Variants in MAP2K4 observed in about 807,000 individuals in gnomAD.
MAP2K4 encodes the protein mitogen-activated protein kinase kinase 4, also known as dual specificity mitogen-activated protein kinase kinase 4.
MAP2K4 carries 4 observed loss-of-function variants against 48.5 expected under a neutral mutation model. The observed-to-expected ratio is 0.08, with a 90% CI of 0.04 to 0.19. MAP2K4 has a LOEUF of 0.19. Ranked by LOEUF, MAP2K4 falls within the 10% of genes least tolerant of loss-of-function variation. The pLI is 1.00. For synonymous variants in MAP2K4, 166 were observed against 173.1 expected, an observed-to-expected ratio of 0.96 and a Z score of 0.32; for missense variants, 258 against 493.3, an observed-to-expected ratio of 0.52 and a Z score of 4.52.
intron 2 of MAP2K4, among the ~76,000 whole-genome samples, chr17:12,065,285 T>TTATTAA (rs916612094): frequency 8.4e-5 from 12 of 143,438 alleles, no homozygotes; most frequent in Middle Eastern, 7.4e-3. Context: ...ATTATTATTA[T>TTATTAA]TATTATTGGT....
Position 12,143,649 on chromosome 17 carries a change from T to C in MAP2K4, c.*2389T>C, listed in dbSNP as rs1044803816. ...GTTTGAATTCCTCCTCTATTTAAGA[T>C]ATATACATGGAATCGAAGTGTTTAT... On this transcript the variant is annotated 3_prime_UTR_variant, in exon 11 of 11. Transcript: ENST00000353533. 4.3e-5 allele frequency: 10 copies of C among 231,042 alleles called. No homozygotes were observed. Among genetic ancestry groups the C allele is most frequent in the Non-Finnish European group, 7.7e-5 (9 of 116,692 alleles). The allele number at this position is 231,042 out of a possible 1,614,324, so 14.3% of individuals were successfully genotyped here.
chr17:12,044,968 A>G (rs940373253), intron 1 of MAP2K4, among the ~76,000 whole-genome samples: 9 of 152,368 alleles, frequency 5.9e-5, no homozygotes, highest in Middle Eastern at 3.4e-3. Context: ...CAAGAATTTA[A>G]GGAGTTGTGT....
At position 12,081,017 on chromosome 17, in the gene MAP2K4, A is replaced by G. The variant is rs1428740387; in HGVS notation, c.219-339A>G. Among the ~76,000 whole-genome samples, 2 of 152,230 alleles carry G rather than the reference A, an allele frequency of 1.3e-5. No homozygotes were observed. Among genetic ancestry groups the G allele is most frequent in the African/African-American group, 4.8e-5 (2 of 41,460 alleles). ...ATTCTCACTTGATAATGCTGTTTGG[A>G]TAAACCATCATCCAAGTTTGAATAA... On this transcript the variant is annotated intron_variant, in intron 2 of 10. Coordinates refer to ENST00000353533, the MANE Select transcript of MAP2K4 (RefSeq NM_003010.4). The surrounding 1 kb of genome is among the most constrained non-coding windows in gnomAD (Gnocchi z 4.2).
chr17:12,128,989 A>G, intron 8 of MAP2K4, 150 bp from the exon 9 acceptor site: 1 of 649,800 alleles, frequency 1.5e-6, no homozygotes, highest in Non-Finnish European at 2.6e-6. Context: ...AGCCTTTATG[A>G]TTCTGAAGAT....
chr17:12,111,312 GC>G (rs775394721), intron 6 of MAP2K4, among the ~76,000 whole-genome samples: 7 of 152,080 alleles, frequency 4.6e-5, no homozygotes, highest in Non-Finnish European at 7.4e-5. Flanking sequence ...TTGACACTAG[GC>G]CACTGAAATT....
At chr17:12,103,876 TC>T (rs1349384657) in intron 4 of MAP2K4, among the ~76,000 whole-genome samples, 1 of 152,188 alleles carries the variant, frequency 6.6e-6, no homozygotes, top group Non-Finnish European at 1.5e-5. Flanking sequence ...ACTGTAGTAT[TC>T]TAATGATTAA....
chr17:12,027,045 G>T (rs1437218966), intron 1 of MAP2K4: 2 of 152,178 alleles, frequency 1.3e-5, no homozygotes, highest in Non-Finnish European at 2.9e-5. Flanking sequence ...TGTCGTTCTG[G>T]CTAAATTTGT....
At chr17:12,114,196 T>G (rs1020086575) in intron 7 of MAP2K4, among the ~76,000 whole-genome samples, 1 of 152,216 alleles carries the variant, frequency 6.6e-6, no homozygotes, top group Non-Finnish European at 1.5e-5. Flanking sequence ...TTGATATATA[T>G]GTTTTCAAAC....
chr17:12,129,385 C>A, intron 9 of MAP2K4, 98 bp downstream of exon 9: 2 of 1,396,232 alleles, frequency 1.4e-6, no homozygotes, highest in South Asian at 1.2e-5. Context: ...AGGAAGGGGA[C>A]CCTTGGTCAC....
intron 4 of MAP2K4, among the ~76,000 whole-genome samples, chr17:12,107,459 T>TA (rs910808834): frequency 5.7e-4 from 87 of 151,572 alleles, no homozygotes; most frequent in Admixed American, 1.4e-3. Context: ...TTTTCATTGT[T>TA]AGTAAGAATG....
Position 12,141,265 on chromosome 17 carries a change from G to T in MAP2K4, c.*5G>T. The T allele has an allele frequency of 6.3e-7, 1 of 1,589,882 alleles. No individual in the cohort carries two copies. The highest frequency in any genetic ancestry group is 8.6e-7 in the Non-Finnish European group (1 of 1,158,022). ...TCTCCCATGTATGTCGATTGATATC[G>T]CTGCTACATCAGACTCTAGAAAAAA... On this transcript the variant is annotated 3_prime_UTR_variant, in exon 11 of 11. Transcript: ENST00000353533.
intron 2 of MAP2K4, among the ~76,000 whole-genome samples, chr17:12,060,447 A>C (rs896266257): frequency 6.6e-6 from 1 of 152,226 alleles, no homozygotes; most frequent in African/African-American, 2.4e-5. Context: ...GTGCTGACTG[A>C]AGTGTTTGTG....
intron 1 of MAP2K4, among the ~76,000 whole-genome samples, chr17:12,038,158 A>T (rs1295837882): frequency 6.6e-6 from 1 of 152,180 alleles, no homozygotes. Flanking sequence ...AGTAGAAATG[A>T]TATGGAACGT....
At chr17:12,107,945 A>G in intron 5 of MAP2K4, 36 bp downstream of exon 5, 4 of 1,483,264 alleles carry the variant, frequency 2.7e-6, no homozygotes, top group South Asian at 2.8e-5. Context: ...CATTGTGTAT[A>G]TAGTTATATA....
intron 7 of MAP2K4, among the ~76,000 whole-genome samples, chr17:12,118,306 G>C (rs1323530441): frequency 6.6e-6 from 1 of 152,164 alleles, no homozygotes; most frequent in Non-Finnish European, 1.5e-5. Flanking sequence ...AGGATGCCAA[G>C]AGCAGAAAAA....
chr17:12,120,077 A>G (rs1972633858), intron 7 of MAP2K4, among the ~76,000 whole-genome samples: 2 of 152,226 alleles, frequency 1.3e-5, no homozygotes. Context: ...GGGTGACCAA[A>G]TGGTCTGTAC....
At chr17:12,102,335 A>C (rs72821271) in intron 4 of MAP2K4, among the ~76,000 whole-genome samples, 3,156 of 152,234 alleles carry the variant, frequency 0.021, 52 homozygotes, top group South Asian at 0.072. Context: ...GATATTAAAC[A>C]TAGCTTTTAT....
At chr17:12,087,741 A>G (rs1166691214) in intron 3 of MAP2K4, among the ~76,000 whole-genome samples, 1 of 152,132 alleles carries the variant, frequency 6.6e-6, no homozygotes, top group East Asian at 1.9e-4. Context: ...TAGTAAAATC[A>G]TATATGCTTT....
intron 2 of MAP2K4, among the ~76,000 whole-genome samples, chr17:12,079,837 T>G (rs1338926002): frequency 6.6e-6 from 1 of 152,214 alleles, no homozygotes; most frequent in Non-Finnish European, 1.5e-5. Flanking sequence ...TATTTTTGCC[T>G]AGACCTGATT....
Sources: gnomAD v4.1 joint callset for allele counts (sites outside exome capture counted in the v4.1 genomes callset) on GRCh38, gnomAD v4.1.1 for gene constraint, Gnocchi (gnomAD v3.1) non-coding constraint, MANE v1.5 for transcripts, NCBI Gene and HGNC (gene_info 2026-07-23, HGNC 2026-07-21) for gene names.